The following COL25A1 variants were observed in gnomAD, a reference collection of about 807,000 sequenced individuals.
The protein encoded by COL25A1 is collagen type XXV alpha 1 chain, also known as collagen alpha-1(XXV) chain.
Under a neutral mutation model 128.4 loss-of-function variants are expected in COL25A1, and 103 were observed. The observed-to-expected ratio is 0.80, with a 90% CI of 0.68 to 0.94. The LOEUF is 0.94. Among genes scored for constraint, COL25A1 ranks in the 40% least tolerant of loss-of-function variants. COL25A1 has a pLI of 0.00. For missense variants in COL25A1, 745 were observed against 840.0 expected (o/e 0.89, Z 1.40); for synonymous variants, 279 against 277.2 (o/e 1.01, Z -0.06).
At chr4:109,172,676 G>C (rs1167131881) in intron 3 of COL25A1, among the ~76,000 whole-genome samples, 2 of 152,090 alleles carry the variant, frequency 1.3e-5, no homozygotes, top group African/African-American at 4.8e-5. Context: ...CCCTTTCTGA[G>C]GCCAAAATTT....
chr4:108,994,250 C>A (rs1234607148), intron 6 of COL25A1, among the ~76,000 whole-genome samples: 1 of 152,200 alleles, frequency 6.6e-6, no homozygotes, highest in Non-Finnish European at 1.5e-5. Context: ...ACATTCCTGA[C>A]CAAATAGTGT....
At chr4:109,188,455 G>A (rs1264925190) in intron 3 of COL25A1, among the ~76,000 whole-genome samples, 1 of 152,074 alleles carries the variant, frequency 6.6e-6, no homozygotes, top group Admixed American at 6.6e-5. Context: ...TCAGAGAAAC[G>A]TGGGGTGGGG....
chr4:108,897,814 C>T (rs770741068), intron 15 of COL25A1, among the ~76,000 whole-genome samples: 1 of 152,022 alleles, frequency 6.6e-6, no homozygotes, highest in Admixed American at 6.6e-5. Context: ...TCACTTTTTT[C>T]CTCTGTATTT....
chr4:109,205,420 A>C (rs528686865), intron 3 of COL25A1, among the ~76,000 whole-genome samples: 1 of 152,294 alleles, frequency 6.6e-6, no homozygotes, highest in South Asian at 2.1e-4. Context: ...ATTTTGGCCA[A>C]CGGATTGTGG....
intron 6 of COL25A1, among the ~76,000 whole-genome samples, chr4:108,983,828 T>G (rs1445540984): frequency 1.3e-5 from 2 of 151,894 alleles, no homozygotes; most frequent in African/African-American, 4.8e-5. Flanking sequence ...TCGCAGTGAG[T>G]GTTGCAGCTC....
intron 37 of COL25A1, among the ~76,000 whole-genome samples, chr4:108,816,015 A>C (rs1015044036): frequency 1.3e-5 from 2 of 152,146 alleles, no homozygotes; most frequent in Non-Finnish European, 2.9e-5. Flanking sequence ...TTAAGTGGTA[A>C]TTCCAGCTCA....
chr4:109,238,488 A>ACT (rs991907016), intron 3 of COL25A1, among the ~76,000 whole-genome samples: 3 of 152,044 alleles, frequency 2.0e-5, no homozygotes, highest in Admixed American at 6.6e-5. Flanking sequence ...TTGAGGGCTT[A>ACT]CTGCATGTGA....
intron 26 of COL25A1, among the ~76,000 whole-genome samples, chr4:108,849,550 A>G (rs1735531135): frequency 6.6e-6 from 1 of 152,212 alleles, no homozygotes; most frequent in Admixed American, 6.5e-5. Flanking sequence ...TACGCCAGAA[A>G]GTTAATCGAA....
At position 108,809,319 on chromosome 4, in the gene COL25A1, GATAC is replaced by G. The variant is rs1289142496; in HGVS notation, c.*4604_*4607del. 1.3e-4 allele frequency: 20 copies of G among 152,016 alleles called. No homozygotes were observed. The highest frequency in any genetic ancestry group is 2.9e-4 in the African/African-American group (12 of 41,480). The allele number at this position is 152,016 out of a possible 1,614,324, so 9.4% of individuals were successfully genotyped here. The stretch of plus-strand genomic sequence containing the variant: ...TATAATATTTTCTAAAGAAAAATCA[GATAC>G]ATACATCTTTTAAAATGTTATTAAG... On this transcript the variant is annotated 3_prime_UTR_variant, in exon 38 of 38. Coordinates refer to ENST00000399132, the MANE Select transcript of COL25A1 (RefSeq NM_198721.4).
chr4:109,254,037 A>G (rs112578175), intron 3 of COL25A1, among the ~76,000 whole-genome samples: 3,660 of 151,542 alleles, frequency 0.024, 130 homozygotes, highest in African/African-American at 0.076. Flanking sequence ...CAGTGAGCCG[A>G]GATCGCACCA....
At chr4:109,133,637 G>T (rs546120487) in intron 3 of COL25A1, among the ~76,000 whole-genome samples, 2 of 152,218 alleles carry the variant, frequency 1.3e-5, no homozygotes, top group South Asian at 4.2e-4. Flanking sequence ...AAGATATATA[G>T]CAGCAGGAAT....
At chr4:108,897,144 C>T (rs1337051664) in intron 15 of COL25A1, among the ~76,000 whole-genome samples, 1 of 152,146 alleles carries the variant, frequency 6.6e-6, no homozygotes, top group Non-Finnish European at 1.5e-5. Flanking sequence ...CTGTATAAAT[C>T]CTGTCCTGTC....
At chr4:109,289,961 C>T (rs10026219) in intron 3 of COL25A1, among the ~76,000 whole-genome samples, 15,388 of 151,860 alleles carry the variant, frequency 0.1, 1,009 homozygotes, top group East Asian at 0.29. Context: ...GTTTAAAATG[C>T]TAGCAGTATA....
At chr4:108,952,689 C>T (rs1255570826) in intron 8 of COL25A1, among the ~76,000 whole-genome samples, 1 of 152,124 alleles carries the variant, frequency 6.6e-6, no homozygotes, top group Non-Finnish European at 1.5e-5. Flanking sequence ...TGAATATATC[C>T]TATCCATTTT....
rs949240935 is a variant in COL25A1, at chr4:108,809,408, G to A, written c.*4519C>T. 1.3e-5 allele frequency: 2 copies of A among 152,006 alleles called. No individual in the cohort carries two copies. The highest frequency in any genetic ancestry group is 6.6e-5 in the Admixed American group (1 of 15,248). The allele number at this position is 152,006 out of a possible 1,614,324, so 9.4% of individuals were successfully genotyped here. ...TCACATAAATGTCAACAGTATGTAA[G>A]ACATTCTTTTGTGAATCCAATTCGT... On this transcript the variant is annotated 3_prime_UTR_variant, in exon 38 of 38. Coordinates refer to ENST00000399132, the MANE Select transcript of COL25A1 (RefSeq NM_198721.4).
chr4:109,233,626 A>G (rs1483579660), intron 3 of COL25A1, among the ~76,000 whole-genome samples: 1 of 152,128 alleles, frequency 6.6e-6, no homozygotes, highest in East Asian at 1.9e-4. Flanking sequence ...CATTCCTGAG[A>G]TTCAATTTAT....
At chr4:109,011,458 G>A (rs978788016) in intron 5 of COL25A1, among the ~76,000 whole-genome samples, 2 of 152,292 alleles carry the variant, frequency 1.3e-5, no homozygotes, top group African/African-American at 4.8e-5. Flanking sequence ...GCCAAACCAA[G>A]TCACTGCAGA....
intron 13 of COL25A1, among the ~76,000 whole-genome samples, chr4:108,909,133 G>T (rs1743905618): frequency 6.6e-6 from 1 of 152,110 alleles, no homozygotes; most frequent in African/African-American, 2.4e-5. Context: ...TTTTGGGAAG[G>T]GTTATTATTT....
At chr4:109,128,363 C>T (rs1768833467) in intron 3 of COL25A1, among the ~76,000 whole-genome samples, 1 of 152,166 alleles carries the variant, frequency 6.6e-6, no homozygotes, top group Non-Finnish European at 1.5e-5. Flanking sequence ...TTCTTTTCTG[C>T]CAATCTCAAA....
Sources: gnomAD v4.1 joint callset for allele counts (sites outside exome capture counted in the v4.1 genomes callset) on GRCh38, gnomAD v4.1.1 for gene constraint, MANE v1.5 for transcripts, NCBI Gene and HGNC (gene_info 2026-07-23, HGNC 2026-07-21) for gene names.